Variants in NCBP2 observed in about 807,000 individuals in gnomAD.
NCBP2 encodes the protein nuclear cap-binding protein subunit 2.
Under a neutral mutation model 21.5 loss-of-function variants are expected in NCBP2, and 8 were observed. The ratio of observed to expected loss-of-function variants is 0.37; its 90% CI spans 0.22 to 0.67. The LOEUF (loss-of-function observed/expected upper bound fraction) is 0.67. Ranked by LOEUF, NCBP2 falls within the 30% of genes least tolerant of loss-of-function variation. The pLI is 0.56. For synonymous variants in NCBP2, 92 were observed against 75.8 expected, an observed-to-expected ratio of 1.21 and a Z score of -1.11; for missense variants, 127 against 206.9, an observed-to-expected ratio of 0.61 and a Z score of 2.37.
chr3:196,942,238 G>C (rs931104820), intron 1 of NCBP2, 188 bp downstream of exon 1: 1 of 1,467,338 alleles, frequency 6.8e-7, no homozygotes. Context: ...GTCTTCCAGA[G>C]CAAGTGGCTT....
intron 1 of NCBP2, chr3:196,942,224 C>T (rs1170695779): frequency 2.7e-6 from 4 of 1,461,096 alleles, no homozygotes; most frequent in Non-Finnish European, 3.6e-6. Context: ...GCCTCCAGTT[C>T]CCCGTCTTCC....
At position 196,935,689 on chromosome 3, in the gene NCBP2, T is replaced by G. The variant is rs1716228271; in HGVS notation, c.*1322A>C. 6.6e-6 allele frequency: 1 copy of G among 152,170 alleles called. No homozygotes were observed. The highest frequency in any genetic ancestry group is 1.5e-5 in the Non-Finnish European group (1 of 68,036). 9.4% of individuals were successfully genotyped at this position (152,170 alleles called of 1,614,324 possible). A position where few individuals can be genotyped will look rare whatever the true frequency, so the allele number is the denominator to read the frequency against. On this transcript the variant is annotated 3_prime_UTR_variant, in exon 4 of 4. Coordinates refer to ENST00000321256, the MANE Select transcript of NCBP2 (RefSeq NM_007362.5). ...CACTTAGGTACTTCAGCCCCAACTT[T>G]CACGGACTATTGGAAATTAGAAGGT...
At chr3:196,939,198 A>G (rs754994744) in intron 2 of NCBP2, 53 bp downstream of exon 2, 1 of 1,528,726 alleles carries the variant, frequency 6.5e-7, no homozygotes, top group Non-Finnish European at 9.1e-7. Flanking sequence ...ATGAGCTACC[A>G]CTCTCAGCTC....
chr3:196,941,937 C>T (rs1716602380), intron 1 of NCBP2: 1 of 1,536,180 alleles, frequency 6.5e-7, no homozygotes, highest in Admixed American at 2.0e-5. Flanking sequence ...CCACGCACCG[C>T]GTACAGCTTC....
Position 196,935,685 on chromosome 3 carries a change from A to G in NCBP2, c.*1326T>C, listed in dbSNP as rs1360215232. 11 of 152,206 alleles carry G rather than the reference A, an allele frequency of 7.2e-5. No individual in the cohort carries two copies. Among genetic ancestry groups the G allele is most frequent in the Admixed American group, 7.2e-4 (11 of 15,268 alleles). 9.4% of individuals were successfully genotyped at this position (152,206 alleles called of 1,614,324 possible). The stretch of plus-strand genomic sequence containing the variant: ...TTCACACTTAGGTACTTCAGCCCCA[A>G]CTTTCACGGACTATTGGAAATTAGA... On this transcript the variant is annotated 3_prime_UTR_variant, in exon 4 of 4. Transcript: ENST00000321256.
chr3:196,941,782 G>A (rs567973985), intron 1 of NCBP2: 54 of 849,100 alleles, frequency 6.4e-5, no homozygotes, highest in African/African-American at 5.8e-4. Flanking sequence ...CTGTGATATA[G>A]TCCGGACTAA....
rs1401681235 is a variant in NCBP2 at position 196,939,329 on chromosome 3, C to T, written c.182G>A (p.Ser61Asn). The T allele has an allele frequency of 6.2e-7, 1 of 1,613,262 alleles. No homozygotes were observed. The highest frequency in any genetic ancestry group is 8.5e-7 in the Non-Finnish European group (1 of 1,179,222). ...TTEEQIYELF[S>N]KSGDIKKIIM... ...GATTTTCTTTATGTCACCACTTTTGCTGAAGAGTTCATAGATTTGTTCTTC... is the reference window on the plus strand; with the variant it reads ...GATTTTCTTTATGTCACCACTTTTGTTGAAGAGTTCATAGATTTGTTCTTC... Residue 61 changes from serine to asparagine, a missense_variant, in exon 2 of 4, where the codon AGC becomes AAC. Ser to Asn is a conservative substitution (Grantham distance 46). Coordinates refer to ENST00000321256, the MANE Select transcript of NCBP2 (RefSeq NM_007362.5).
Position 196,936,835 on chromosome 3 carries a change from A to G in NCBP2, c.*176T>C. 2 of 613,836 alleles carry G rather than the reference A, an allele frequency of 3.3e-6. No homozygotes were observed. Among genetic ancestry groups the G allele is most frequent in the Non-Finnish European group, 5.8e-6 (2 of 347,378 alleles). 38.0% of individuals were successfully genotyped at this position (613,836 alleles called of 1,614,324 possible). On this transcript the variant is annotated 3_prime_UTR_variant, in exon 4 of 4. Coordinates refer to ENST00000321256, the MANE Select transcript of NCBP2 (RefSeq NM_007362.5). ...GACACATGGCCAAGATTCTCAGACA[A>G]GAATTAAAGGCATTCTTTTGGATTC...
At chr3:196,938,388 A>C (rs1240640929) in intron 2 of NCBP2, 3 of 152,210 alleles carry the variant, frequency 2.0e-5, no homozygotes, top group Non-Finnish European at 4.4e-5. Context: ...AACCGAAACA[A>C]ACATAATTCA....
chr3:196,938,344 T>G (rs530479459), intron 2 of NCBP2: 1 of 152,192 alleles, frequency 6.6e-6, no homozygotes, highest in African/African-American at 2.4e-5. Flanking sequence ...TGAGCAGAAA[T>G]CCAGGGATCA....
intron 1 of NCBP2, chr3:196,940,202 C>G (rs1442120727): frequency 6.6e-6 from 1 of 152,196 alleles, no homozygotes; most frequent in Non-Finnish European, 1.5e-5. Context: ...AACCCTGTCT[C>G]TACTAAAAAT....
intron 1 of NCBP2, chr3:196,940,983 G>C (rs775742014): frequency 9.2e-5 from 14 of 152,268 alleles, no homozygotes; most frequent in Non-Finnish European, 1.8e-4. Context: ...GGCTGAGGTG[G>C]GTAGGATCAC....
intron 2 of NCBP2, chr3:196,938,594 T>C (rs923459662): frequency 6.6e-6 from 1 of 152,292 alleles, no homozygotes; most frequent in Non-Finnish European, 1.5e-5. Context: ...AGTCAGGTTA[T>C]ATACATCTAT....
chr3:196,937,153 G>T, intron 3 of NCBP2, 71 bp from the exon 4 acceptor site: 2 of 1,422,786 alleles, frequency 1.4e-6, no homozygotes, highest in Non-Finnish European at 2.0e-6. Context: ...CCACAAACAT[G>T]TTAGACAAAC....
rs754021945 is a variant in NCBP2, at chr3:196,936,993, T to C, written c.*18A>G. On this transcript the variant is annotated 3_prime_UTR_variant, in exon 4 of 4. Coordinates refer to ENST00000321256, the MANE Select transcript of NCBP2 (RefSeq NM_007362.5). ...AACAGGCCAAAGGAGTGTTTGTCAC[T>C]GACAGAGCTCTCACCACTCACTGGT... 107 of 1,613,392 alleles carry C rather than the reference T, an allele frequency of 6.6e-5. No homozygotes were observed. The highest frequency in any genetic ancestry group is 8.7e-5 in the Non-Finnish European group (103 of 1,179,412).
intron 1 of NCBP2, chr3:196,942,184 G>C (rs1463720604): frequency 6.9e-7 from 1 of 1,455,390 alleles, no homozygotes; most frequent in Non-Finnish European, 9.0e-7. Flanking sequence ...TGGGGTACAG[G>C]GAGCGGCTGC....
chr3:196,938,227 CT>C (rs1238470405), intron 2 of NCBP2: 1 of 152,212 alleles, frequency 6.6e-6, no homozygotes, highest in African/African-American at 2.4e-5. Context: ...AATAAAATCT[CT>C]TTTCATTCTA....
At chr3:196,941,681 C>A (rs1560171587) in intron 1 of NCBP2, 3 of 572,590 alleles carry the variant, frequency 5.2e-6, no homozygotes, top group Non-Finnish European at 9.3e-6. Context: ...TCCCGCCCCG[C>A]CAACCCCCAA....
intron 3 of NCBP2, 125 bp downstream of exon 3, chr3:196,937,385 C>A (rs1716313333): frequency 1.4e-6 from 2 of 1,415,632 alleles, no homozygotes; most frequent in African/African-American, 1.4e-5. Context: ...GTTTTCAGAT[C>A]CACTTCAAGC....
Sources: allele counts gnomAD v4.1 joint callset, GRCh38; gene constraint gnomAD v4.1.1; transcripts MANE v1.5; gene names NCBI Gene and HGNC (gene_info 2026-07-23, HGNC 2026-07-21).